Variants in ELMO1 observed in about 807,000 individuals in gnomAD.
The protein encoded by ELMO1 is engulfment and cell motility 1.
Under a neutral mutation model 98.9 loss-of-function variants are expected in ELMO1, and 26 were observed. The observed-to-expected ratio is 0.26, with a 90% CI of 0.19 to 0.36. ELMO1 has a LOEUF of 0.36. Among genes scored for constraint, ELMO1 ranks in the 10% least tolerant of loss-of-function variants. The pLI is 1.00. For missense variants in ELMO1, 627 were observed against 935.2 expected (o/e 0.67, Z 4.30); for synonymous variants, 346 against 346.0 (o/e 1.00, Z 0.00).
intron 13 of ELMO1, among the ~76,000 whole-genome samples, chr7:37,200,675 C>T (rs908773482): frequency 6.6e-6 from 1 of 152,092 alleles, no homozygotes; most frequent in Non-Finnish European, 1.5e-5. Flanking sequence ...TTTTAAAATT[C>T]CCCTTTATGG....
chr7:37,041,162 C>T (rs1414104236), intron 15 of ELMO1, among the ~76,000 whole-genome samples: 2 of 150,388 alleles, frequency 1.3e-5, no homozygotes, highest in African/African-American at 4.9e-5. Context: ...GGGGCATATG[C>T]AATAGGTAAT....
chr7:37,209,563 C>T (rs1322180051), intron 13 of ELMO1, among the ~76,000 whole-genome samples: 3 of 152,216 alleles, frequency 2.0e-5, no homozygotes, highest in African/African-American at 4.8e-5. Flanking sequence ...TCCAAATGTA[C>T]ATGCCCTGAT....
chr7:37,129,614 A>C (rs1259129693), intron 14 of ELMO1, among the ~76,000 whole-genome samples: 1 of 152,186 alleles, frequency 6.6e-6, no homozygotes, highest in African/African-American at 2.4e-5. Flanking sequence ...GGTCAAGTTG[A>C]TTTTAGTTCC....
At chr7:37,395,354 T>G (rs1583681282) in intron 1 of ELMO1, among the ~76,000 whole-genome samples, 2 of 89,006 alleles carry the variant, frequency 2.2e-5, no homozygotes, top group Admixed American at 1.7e-4. Flanking sequence ...GCAACAAGAG[T>G]GAAACTCCAT....
chr7:36,874,427 G>A (rs1394072466), intron 19 of ELMO1, among the ~76,000 whole-genome samples: 2 of 152,140 alleles, frequency 1.3e-5, no homozygotes, highest in African/African-American at 4.8e-5. Flanking sequence ...TACCTCTTTA[G>A]GTTGTTGAGA....
intron 16 of ELMO1, among the ~76,000 whole-genome samples, chr7:36,909,450 C>T (rs58541811): frequency 6.6e-6 from 1 of 152,214 alleles, no homozygotes; most frequent in Non-Finnish European, 1.5e-5. Flanking sequence ...GCAGGCAGAA[C>T]TGCCATCTCC....
At chr7:37,329,911 G>T (rs1357883630) in intron 2 of ELMO1, among the ~76,000 whole-genome samples, 1 of 152,150 alleles carries the variant, frequency 6.6e-6, no homozygotes, top group Non-Finnish European at 1.5e-5. Context: ...TTTCTTGATT[G>T]GGCTACTGCA....
intron 1 of ELMO1, among the ~76,000 whole-genome samples, chr7:37,372,372 C>T (rs1342558844): frequency 6.6e-6 from 1 of 151,998 alleles, no homozygotes; most frequent in Non-Finnish European, 1.5e-5. Flanking sequence ...CCTCAGTTTC[C>T]CCATTTGTAA....
At chr7:37,075,879 TA>T (rs1429019232) in intron 15 of ELMO1, among the ~76,000 whole-genome samples, 1 of 152,068 alleles carries the variant, frequency 6.6e-6, no homozygotes, top group South Asian at 2.1e-4. Flanking sequence ...TGAATTTGAA[TA>T]AAAAAATGTG....
At chr7:36,905,922 G>A (rs1030168773) in intron 16 of ELMO1, among the ~76,000 whole-genome samples, 3 of 152,222 alleles carry the variant, frequency 2.0e-5, no homozygotes, top group African/African-American at 7.2e-5. Context: ...GGTAGAACCC[G>A]AAGCCCCACA....
intron 16 of ELMO1, among the ~76,000 whole-genome samples, chr7:36,988,057 C>T (rs928234170): frequency 1.3e-5 from 2 of 152,194 alleles, no homozygotes; most frequent in Non-Finnish European, 2.9e-5. Flanking sequence ...GACGCCTGGC[C>T]GCCCATTGGT....
At chr7:37,264,693 G>A (rs1207639860) in intron 5 of ELMO1, among the ~76,000 whole-genome samples, 3 of 152,142 alleles carry the variant, frequency 2.0e-5, no homozygotes, top group African/African-American at 7.2e-5. Context: ...ACAGCTTGAT[G>A]TGGCTACCTC....
intron 1 of ELMO1, among the ~76,000 whole-genome samples, chr7:37,443,382 G>A (rs1805488633): frequency 6.6e-6 from 1 of 152,150 alleles, no homozygotes; most frequent in Non-Finnish European, 1.5e-5. Flanking sequence ...AGTGTTTGTG[G>A]GGGCCCGGAA....
At chr7:36,882,143 G>A (rs1558689) in intron 18 of ELMO1, among the ~76,000 whole-genome samples, 69,389 of 152,080 alleles carry the variant, frequency 0.46, 17,346 homozygotes, top group Non-Finnish European at 0.57. Flanking sequence ...TGCAGAGCCC[G>A]CTGTCAGCAG....
intron 8 of ELMO1, 22 bp downstream of exon 8, chr7:37,233,073 A>G: frequency 6.3e-7 from 1 of 1,594,656 alleles, no homozygotes; most frequent in Non-Finnish European, 8.6e-7. Context: ...AGGAAAGCCT[A>G]AAGAGGCAGA....
chr7:37,140,144 G>A (rs985347585), intron 13 of ELMO1, among the ~76,000 whole-genome samples: 4 of 151,712 alleles, frequency 2.6e-5, no homozygotes, highest in African/African-American at 9.7e-5. Flanking sequence ...GGGAGGCCAT[G>A]GTGGGCAGAT....
intron 16 of ELMO1, among the ~76,000 whole-genome samples, chr7:36,896,686 T>G (rs916488083): frequency 8.5e-5 from 13 of 152,326 alleles, no homozygotes; most frequent in Admixed American, 3.3e-4. Flanking sequence ...GTTTGTTTTT[T>G]TTTTTTAACT....
chr7:37,222,544 G>A (rs1308544078), intron 10 of ELMO1, 71 bp downstream of exon 10: 25 of 1,450,822 alleles, frequency 1.7e-5, no homozygotes, highest in Non-Finnish European at 2.3e-5. Flanking sequence ...CCGAATAGAA[G>A]GAGAGGGCGT....
At chr7:37,197,218 C>CAGAG (rs1188610279) in intron 13 of ELMO1, 1 of 152,218 alleles carries the variant, frequency 6.6e-6, no homozygotes, top group Non-Finnish European at 1.5e-5. Flanking sequence ...CTCTCGTCTT[C>CAGAG]AGAATGAACA....
Sources: allele counts gnomAD v4.1 joint callset (sites outside exome capture counted in the v4.1 genomes callset), GRCh38; gene constraint gnomAD v4.1.1; transcripts MANE v1.5; gene names NCBI Gene and HGNC (gene_info 2026-07-23, HGNC 2026-07-21).